Variants in SH2B3 observed in about 807,000 individuals in gnomAD.
The protein encoded by SH2B3 is SH2B adapter protein 3.
SH2B3 carries 43 observed loss-of-function variants against 51.9 expected under a neutral mutation model. That is an observed-to-expected ratio of 0.83 (90% CI 0.65 to 1.07). The LOEUF (loss-of-function observed/expected upper bound fraction) is 1.07. Among genes scored for constraint, SH2B3 ranks in the 50% least tolerant of loss-of-function variants. The pLI, the probability that SH2B3 is intolerant of heterozygous loss-of-function variation, is 0.00. For synonymous variants in SH2B3, 396 were observed against 376.0 expected (o/e 1.05, Z -0.62); for missense variants, 952 against 834.3 (o/e 1.14, Z -1.74).
upstream of SH2B3, among the ~76,000 whole-genome samples, chr12:111,405,771 G>C (rs903813117): frequency 2.0e-5 from 3 of 152,024 alleles, no homozygotes; most frequent in Admixed American, 1.3e-4. The surrounding 1 kb of genome is among the most constrained non-coding windows in gnomAD (Gnocchi z 5.4). Context: ...GGCGGGGCCA[G>C]TCCGGGCTCC....
rs1872749447 is a variant in SH2B3 at position 111,435,088 on chromosome 12, CCT to C, written c.733-11662_733-11661del. 2 of 1,344,440 alleles carry C rather than the reference CCT, an allele frequency of 1.5e-6. No individual in the cohort carries two copies. Among genetic ancestry groups the C allele is most frequent in the South Asian group, 1.3e-5 (1 of 79,382 alleles). The allele number at this position is 1,344,440 out of a possible 1,614,324, so 83.3% of individuals were successfully genotyped here. A position where few individuals can be genotyped will look rare whatever the true frequency, so the allele number is the denominator to read the frequency against. Reference sequence around the variant, plus strand: ...ATCTTGGTGGTGATGAGTCCCCTCTCCTCTGGTGCACTCTCCCCACCCGAGAC... The same window carrying C: ...ATCTTGGTGGTGATGAGTCCCCTCTCCTGGTGCACTCTCCCCACCCGAGAC... On this transcript the variant is annotated intron_variant, in intron 2 of 7. Coordinates refer to ENST00000341259, the MANE Select transcript of SH2B3 (RefSeq NM_005475.3). This position sits in a 1 kb window ranked among gnomAD's most constrained non-coding sequence, Gnocchi z 4.8.
chr12:111,425,700 C>T (rs959278932), intron 2 of SH2B3, among the ~76,000 whole-genome samples: 3 of 152,034 alleles, frequency 2.0e-5, no homozygotes, highest in African/African-American at 4.8e-5. Context: ...GGGCCACCTG[C>T]GGGTGGGAGT....
intron 2 of SH2B3, among the ~76,000 whole-genome samples, chr12:111,437,437 A>G (rs1872977424): frequency 6.6e-6 from 1 of 152,124 alleles, no homozygotes; most frequent in African/African-American, 2.4e-5. Flanking sequence ...TCTGGCCCAT[A>G]ATGAACAGGG....
rs1352978843 is a variant in SH2B3, at chr12:111,447,175, G to A, written c.977G>A (p.Ser326Asn). The A allele has an allele frequency of 3.7e-6, 6 of 1,614,002 alleles. No homozygotes were observed. Among genetic ancestry groups the A allele is most frequent in the Admixed American group, 3.3e-5 (2 of 60,012 alleles). Reference protein sequence around the residue: ...EMHIPSALEPSTSSSPRGSTD... With the variant: ...EMHIPSALEPNTSSSPRGSTD... ...CATATTCCCTCAGCCCTAGAGCCTA[G>A]CACGTCCAGCTCCCCAAGGGGCAGC... The change falls in exon 5 of 8, where the codon AGC (serine) becomes AAC (asparagine). Residue 326 changes from serine to asparagine, a missense_variant. Transcript: ENST00000341259.
In SH2B3 at chr12:111,446,837, T is replaced by C; in HGVS notation, c.817T>C (p.Tyr273His). 1 of 1,598,916 alleles carries C rather than the reference T, an allele frequency of 6.3e-7. No individual in the cohort carries two copies. ...CTRLEMPDNL[Y>H]TFVLKVKDRT... ...ACGGCTTGAGATGCCTGACAACCTT[T>C]ACACCTTTGTGCTGAAGGTGAGTGA... The change falls in exon 3 of 8, where the codon TAC (tyrosine) becomes CAC (histidine). Residue 273 changes from tyrosine to histidine, a missense_variant. Transcript: ENST00000341259.
chr12:111,422,707 C>A (rs927865841), intron 2 of SH2B3, among the ~76,000 whole-genome samples: 10 of 152,028 alleles, frequency 6.6e-5, no homozygotes, highest in African/African-American at 2.4e-4. Flanking sequence ...ATTACAGGCG[C>A]ATGCTACCAC....
intron 1 of SH2B3, among the ~76,000 whole-genome samples, chr12:111,414,428 C>CA: frequency 6.6e-6 from 1 of 152,006 alleles, no homozygotes; most frequent in East Asian, 1.9e-4. Context: ...CCCATCTCTA[C>CA]AAAAAATACA....
chr12:111,437,715 G>A (rs549718144), intron 2 of SH2B3, among the ~76,000 whole-genome samples: 6 of 152,296 alleles, frequency 3.9e-5, no homozygotes, highest in Admixed American at 2.6e-4. Flanking sequence ...TGATTCAGTC[G>A]CTGGAACTGG....
chr12:111,420,737 G>A (rs1017931523), intron 2 of SH2B3, among the ~76,000 whole-genome samples: 4 of 152,160 alleles, frequency 2.6e-5, no homozygotes, highest in Admixed American at 1.3e-4. Flanking sequence ...AGGCTGTTGA[G>A]GAAATAAACC....
rs995019059 is a variant in SH2B3, at chr12:111,438,198, G to C, written c.733-8555G>C. 6.6e-6 allele frequency among the ~76,000 whole-genome samples: 1 copy of C among 152,118 alleles called. No individual in the cohort carries two copies. The highest frequency in any genetic ancestry group is 2.4e-5 in the African/African-American group (1 of 41,418). ...GAAGGTGTGGGCGGGAAGGCGGCTGGAGGGAGACCAGGTGTTGGGGGTGCT... is the reference window on the plus strand; with the variant it reads ...GAAGGTGTGGGCGGGAAGGCGGCTGCAGGGAGACCAGGTGTTGGGGGTGCT... On this transcript the variant is annotated intron_variant, in intron 2 of 7. Transcript: ENST00000341259. This position sits in a 1 kb window ranked among gnomAD's most constrained non-coding sequence, Gnocchi z 4.2.
rs79200988 is a variant in SH2B3, at chr12:111,433,903, C to T, written c.733-12850C>T. The stretch of plus-strand genomic sequence containing the variant: ...TGCTGGGATTACAGGTGTGAGCTAC[C>T]GGGTTTAGCCTCAGTGTGGTTTTGA... On this transcript the variant is annotated intron_variant, in intron 2 of 7. Transcript: ENST00000341259. 9.4e-3 allele frequency among the ~76,000 whole-genome samples: 1,432 copies of T among 152,238 alleles called. 27 individuals carry two copies. Among genetic ancestry groups the T allele is most frequent in the African/African-American group, 0.032 (1,347 of 41,522 alleles).
intron 1 of SH2B3, among the ~76,000 whole-genome samples, chr12:111,408,266 A>G (rs1216586908): frequency 6.6e-6 from 1 of 152,072 alleles, no homozygotes; most frequent in Non-Finnish European, 1.5e-5. Flanking sequence ...TACTTCCTAG[A>G]GTCATGGGAA....
intron 6 of SH2B3, 24 bp from the exon 7 acceptor site, chr12:111,447,632 G>A (rs1442304486): frequency 1.2e-6 from 2 of 1,609,248 alleles, no homozygotes; most frequent in Non-Finnish European, 1.7e-6. Flanking sequence ...GACAGCCCGA[G>A]CCCACCATCC....
rs531723102 is a variant in SH2B3, at chr12:111,407,596, A to G, written c.-28+1319A>G. On this transcript the variant is annotated intron_variant, in intron 1 of 7. Transcript: ENST00000341259. This position sits in a 1 kb window ranked among gnomAD's most constrained non-coding sequence, Gnocchi z 4.3. ...CACCTGGGCAGGCTGGGCTCGGAGGATGAGAGCCAGGGCCTACTGGGGGAA... is the reference window on the plus strand; with the variant it reads ...CACCTGGGCAGGCTGGGCTCGGAGGGTGAGAGCCAGGGCCTACTGGGGGAA... Among the ~76,000 whole-genome samples, 2 of 152,318 alleles carry G rather than the reference A, an allele frequency of 1.3e-5. No individual in the cohort carries two copies. The highest frequency in any genetic ancestry group is 4.1e-4 in the South Asian group (2 of 4,820).
intron 1 of SH2B3, among the ~76,000 whole-genome samples, chr12:111,412,469 G>T (rs772205409): frequency 6.6e-6 from 1 of 152,230 alleles, no homozygotes; most frequent in Non-Finnish European, 1.5e-5. Flanking sequence ...TTCCCATGGC[G>T]GGCGAGCCTG....
At chr12:111,436,067 G>C (rs1440530466) in intron 2 of SH2B3, among the ~76,000 whole-genome samples, 1 of 152,238 alleles carries the variant, frequency 6.6e-6, no homozygotes, top group African/African-American at 2.4e-5. Flanking sequence ...GTGGATGGAA[G>C]CTGCTGCATG....
chr12:111,433,704 A>G lies in SH2B3; in HGVS notation c.733-13049A>G, dbSNP rs376414015. On this transcript the variant is annotated intron_variant, in intron 2 of 7. Coordinates refer to ENST00000341259, the MANE Select transcript of SH2B3 (RefSeq NM_005475.3). Reference sequence around the variant, plus strand: ...CAGCCTCTTGAGTAGCTAGGATTACAGGCACACACCACCACACTCAGCTAA... The same window carrying G: ...CAGCCTCTTGAGTAGCTAGGATTACGGGCACACACCACCACACTCAGCTAA... 5.9e-5 allele frequency among the ~76,000 whole-genome samples: 9 copies of G among 152,346 alleles called. No individual in the cohort carries two copies. The East Asian group carries it at 9.6e-4, about 16-fold the overall frequency.
Position 111,418,857 on chromosome 12 carries a change from G to A in SH2B3, c.712G>A (p.Glu238Lys). The change falls in exon 2 of 8, where the codon GAG becomes AAG. Residue 238 changes from glutamate to lysine, a missense_variant. Physicochemically the swap from Glu to Lys is moderately conservative, Grantham distance 56. Coordinates refer to ENST00000341259, the MANE Select transcript of SH2B3 (RefSeq NM_005475.3). This position sits in a 1 kb window ranked among gnomAD's most constrained non-coding sequence, Gnocchi z 6.7. ...PGPDGPDRVL[E>K]LFDPPKSSRP... ...CCCCGATGGCCCCGACCGCGTGCTG[G>A]AGCTCTTCGACCCACCCAAGGTAAG... The A allele has an allele frequency of 1.4e-6, 2 of 1,415,206 alleles. No homozygotes were observed. The allele number at this position is 1,415,206 out of a possible 1,614,324, so 87.7% of individuals were successfully genotyped here. A position where few individuals can be genotyped will look rare whatever the true frequency, so the allele number is the denominator to read the frequency against.
At chr12:111,405,023 C>T (rs1870150091), upstream of SH2B3, among the ~76,000 whole-genome samples, 1 of 152,178 alleles carries the variant, frequency 6.6e-6, no homozygotes, top group Non-Finnish European at 1.5e-5. The surrounding 1 kb of genome is among the most constrained non-coding windows in gnomAD (Gnocchi z 5.4). Flanking sequence ...CCTCCCCGCC[C>T]TCCCACATGT....
Sources: gnomAD v4.1 joint callset for allele counts (sites outside exome capture counted in the v4.1 genomes callset) on GRCh38, gnomAD v4.1.1 for gene constraint, Gnocchi (gnomAD v3.1) non-coding constraint, MANE v1.5 for transcripts, NCBI Gene and HGNC (gene_info 2026-07-23, HGNC 2026-07-21) for gene names.